The following MGAT4D variants were observed in gnomAD, a reference collection of about 807,000 sequenced individuals.
The protein encoded by MGAT4D is alpha-1,3-mannosyl-glycoprotein 4-beta-N-acetylglucosaminyltransferase-like protein MGAT4D.
In MGAT4D, 34 loss-of-function variants were observed where a neutral mutation model predicts 15.9. The observed-to-expected ratio is 2.14, with a 90% confidence interval of 1.62 to 2.84. MGAT4D has a LOEUF of 2.84. Ranked by LOEUF, MGAT4D falls within the 30% of genes most tolerant of loss-of-function variation. The pLI is 0.00. For missense variants in MGAT4D, 327 were observed against 140.2 expected (o/e 2.33, Z -6.73); for synonymous variants, 112 against 48.2 (o/e 2.33, Z -5.49).
intron 9 of MGAT4D, among the ~76,000 whole-genome samples, chr4:140,454,777 A>G (rs1450275078): frequency 1.3e-5 from 2 of 152,196 alleles, no homozygotes; most frequent in Admixed American, 1.3e-4. Context: ...TTTAGTAGAT[A>G]TAGGACTACT....
chr4:140,472,865 T>C (rs1452193938), intron 4 of MGAT4D, among the ~76,000 whole-genome samples: 1 of 152,148 alleles, frequency 6.6e-6, no homozygotes, highest in East Asian at 1.9e-4. Flanking sequence ...TATTAATAAA[T>C]TAAACTGGGA....
At chr4:140,478,993 A>G (rs190649762) in intron 3 of MGAT4D, among the ~76,000 whole-genome samples, 235 of 152,274 alleles carry the variant, frequency 1.5e-3, no homozygotes, top group African/African-American at 5.4e-3. Flanking sequence ...GTTTATAGGA[A>G]AGGCAGGTAT....
intron 1 of MGAT4D, among the ~76,000 whole-genome samples, chr4:140,488,454 T>C (rs1733286341): frequency 6.6e-6 from 1 of 152,228 alleles, no homozygotes; most frequent in Admixed American, 6.5e-5. Context: ...TAAACTTTAC[T>C]AATTATAATA....
At chr4:140,477,924 G>A (rs1732448788) in intron 3 of MGAT4D, among the ~76,000 whole-genome samples, 1 of 152,088 alleles carries the variant, frequency 6.6e-6, no homozygotes, top group Non-Finnish European at 1.5e-5. Context: ...AGTTATAGAG[G>A]GGCTACAGAG....
At chr4:140,479,136 G>A (rs1732528690) in intron 3 of MGAT4D, among the ~76,000 whole-genome samples, 1 of 152,074 alleles carries the variant, frequency 6.6e-6, no homozygotes, top group Admixed American at 6.6e-5. Context: ...TACTGACCTT[G>A]GTCTCCAGAA....
rs554833280 is a variant in MGAT4D at position 140,486,258 on chromosome 4, G to A, written c.95-3773C>T. Among the ~76,000 whole-genome samples, 8 of 143,980 alleles carry A rather than the reference G, an allele frequency of 5.6e-5. 1 individual carries two copies. In the South Asian group the frequency reaches 1.8e-3, roughly 33 times the overall value. 94.5% of individuals were successfully genotyped at this position (143,980 alleles called of 152,430 possible). A position where few individuals can be genotyped will look rare whatever the true frequency, so the allele number is the denominator to read the frequency against. Reference sequence around the variant, plus strand: ...TATCACATATCCTGTTGTGGCAGAAGGTCCCTAATTTCATTGTTTTCTGCT... The same window carrying A: ...TATCACATATCCTGTTGTGGCAGAAAGTCCCTAATTTCATTGTTTTCTGCT... On this transcript the variant is annotated intron_variant, in intron 1 of 10. Transcript: ENST00000511113.
chr4:140,484,939 T>C (rs1206695562), intron 1 of MGAT4D, among the ~76,000 whole-genome samples: 3 of 152,194 alleles, frequency 2.0e-5, no homozygotes, highest in Admixed American at 2.0e-4. Flanking sequence ...AGGAACACTT[T>C]TACACTGTTG....
At chr4:140,463,283 T>A (rs550316684) in intron 6 of MGAT4D, among the ~76,000 whole-genome samples, 2 of 151,908 alleles carry the variant, frequency 1.3e-5, no homozygotes, top group Non-Finnish European at 2.9e-5. Context: ...GGTCACAGGG[T>A]GAAGGAAACT....
At chr4:140,469,753 T>C (rs1578676576) in intron 5 of MGAT4D, among the ~76,000 whole-genome samples, 2 of 152,276 alleles carry the variant, frequency 1.3e-5, no homozygotes, top group East Asian at 3.9e-4. Context: ...GGGTTTTTTG[T>C]TTTGTTGTTT....
rs544841603 is a variant in MGAT4D at position 140,444,465 on chromosome 4, T to G, written c.1117-1021A>C. ...TAGCTGCTACTTATAGGTGAGAACA[T>G]GCAGTGTTTGGATTTCTGTTCCTGT... On this transcript the variant is annotated intron_variant, in intron 10 of 10. Transcript: ENST00000511113. Among the ~76,000 whole-genome samples the G allele has an allele frequency of 3.9e-5, 6 of 152,328 alleles. No individual in the cohort carries two copies. The South Asian group carries it at 6.2e-4, about 16-fold the overall frequency.
chr4:140,456,488 T>C (rs1414162737), intron 9 of MGAT4D, 101 bp downstream of exon 9: 17 of 429,158 alleles, frequency 4.0e-5, no homozygotes. Context: ...TAAAAATTGG[T>C]GCATTTATCA....
chr4:140,463,473 T>C (rs1731327897), intron 6 of MGAT4D, among the ~76,000 whole-genome samples: 1 of 151,846 alleles, frequency 6.6e-6, no homozygotes, highest in Non-Finnish European at 1.5e-5. Context: ...TGGGGAGGCT[T>C]GTAGTCTGGG....
intron 6 of MGAT4D, chr4:140,462,428 T>C (rs1304609223): frequency 6.4e-6 from 1 of 155,628 alleles, no homozygotes; most frequent in Admixed American, 6.4e-5. Flanking sequence ...GGGTTAACTA[T>C]CTGCTACAGA....
chr4:140,473,950 C>T (rs908951532), intron 4 of MGAT4D, among the ~76,000 whole-genome samples: 12 of 152,040 alleles, frequency 7.9e-5, no homozygotes, highest in African/African-American at 2.9e-4. Flanking sequence ...GATCTTCCTG[C>T]CCCAGCACCA....
At chr4:140,469,199 A>G (rs985623527) in intron 5 of MGAT4D, among the ~76,000 whole-genome samples, 10 of 152,214 alleles carry the variant, frequency 6.6e-5, no homozygotes, top group Non-Finnish European at 1.3e-4. Context: ...ATCCACAAAA[A>G]TAGAAATATA....
At position 140,442,959 on chromosome 4, in the gene MGAT4D, A is replaced by G. The variant is rs994598610; in HGVS notation, c.*477T>C. The G allele has an allele frequency of 2.0e-5, 3 of 152,232 alleles. No individual in the cohort carries two copies. Among genetic ancestry groups the G allele is most frequent in the African/African-American group, 7.2e-5 (3 of 41,464 alleles). 9.4% of individuals were successfully genotyped at this position (152,232 alleles called of 1,614,324 possible). ...TCAAATGGCACATAGGGATAAGTTTATAGTTTTAAATGCATCTATTAATAG... is the reference window on the plus strand; with the variant it reads ...TCAAATGGCACATAGGGATAAGTTTGTAGTTTTAAATGCATCTATTAATAG... On this transcript the variant is annotated 3_prime_UTR_variant, in exon 11 of 11. Transcript: ENST00000511113.
At chr4:140,496,872 T>C (rs1309036921) in intron 1 of MGAT4D, among the ~76,000 whole-genome samples, 1 of 152,198 alleles carries the variant, frequency 6.6e-6, no homozygotes, top group African/African-American at 2.4e-5. Flanking sequence ...TACATTTTGC[T>C]TTCTAATTAA....
intron 1 of MGAT4D, 105 bp from the exon 2 acceptor site, chr4:140,482,590 TAGTA>T: frequency 2.0e-6 from 1 of 491,286 alleles, no homozygotes; most frequent in Non-Finnish European, 3.5e-6. Context: ...TAGTTATATA[TAGTA>T]CTATATATGT....
At chr4:140,450,975 A>G (rs1474632014) in intron 10 of MGAT4D, among the ~76,000 whole-genome samples, 1 of 152,198 alleles carries the variant, frequency 6.6e-6, no homozygotes, top group East Asian at 1.9e-4. Context: ...AAATTCAAGC[A>G]ACGCTAAATT....
Sources: allele counts gnomAD v4.1 joint callset (sites outside exome capture counted in the v4.1 genomes callset), GRCh38; gene constraint gnomAD v4.1.1; transcripts MANE v1.5; gene names NCBI Gene and HGNC (gene_info 2026-07-23, HGNC 2026-07-21).